Variants in OLFML2A observed in about 807,000 individuals in gnomAD.
OLFML2A encodes olfactomedin like 2A.
OLFML2A carries 47 observed loss-of-function variants against 60.9 expected under a neutral mutation model. The ratio of observed to expected loss-of-function variants is 0.77; its 90% CI spans 0.61 to 0.98. The LOEUF is 0.98. Among genes scored for constraint, OLFML2A ranks in the 50% least tolerant of loss-of-function variants. The pLI is 0.00. For synonymous variants in OLFML2A, 372 were observed against 375.0 expected, an observed-to-expected ratio of 0.99 and a Z score of 0.09; for missense variants, 922 against 879.8, an observed-to-expected ratio of 1.05 and a Z score of -0.61.
At chr9:124,806,988 A>G (rs1430512769) in intron 6 of OLFML2A, among the ~76,000 whole-genome samples, 1 of 151,356 alleles carries the variant, frequency 6.6e-6, no homozygotes, top group Non-Finnish European at 1.5e-5. Context: ...ATGACAGCTC[A>G]CTGCAGCCTC....
chr9:124,799,054 T>C (rs543157721), intron 3 of OLFML2A, among the ~76,000 whole-genome samples: 1 of 152,330 alleles, frequency 6.6e-6, no homozygotes, highest in African/African-American at 2.4e-5. Context: ...TTTAGTACCA[T>C]GCACATGTAT....
Position 124,799,321 on chromosome 9 carries a change from G to A in OLFML2A, c.499G>A (p.Val167Met). 1.9e-6 allele frequency: 3 copies of A among 1,613,240 alleles called. No homozygotes were observed. Among genetic ancestry groups the A allele is most frequent in the Non-Finnish European group, 2.5e-6 (3 of 1,179,484 alleles). The change falls in exon 4 of 8, where the codon GTG becomes ATG. Residue 167 changes from valine (V) to methionine (M), a missense_variant. By Grantham distance (21) the Val-to-Met change is conservative (BLOSUM62 1). Coordinates refer to ENST00000373580, the MANE Select transcript of OLFML2A (RefSeq NM_182487.4). ...CAACCTGAGCCGGGAGAATGAGGTG[G>A]TGAAGGACAGCGTGCGCCACCTCAG... ...KANLSRENEV[V>M]KDSVRHLSEQ...
intron 4 of OLFML2A, chr9:124,800,801 T>C: frequency 7.5e-7 from 1 of 1,326,548 alleles, no homozygotes; most frequent in Non-Finnish European, 9.7e-7. Context: ...GGCCCTGTGT[T>C]CTTGTGCCAA....
chr9:124,794,951 G>T (rs892927206), intron 2 of OLFML2A, 73 bp from the exon 3 acceptor site: 2 of 878,210 alleles, frequency 2.3e-6, no homozygotes, highest in South Asian at 1.5e-5. Flanking sequence ...TTGCAGCAGG[G>T]TTCCTTTTAC....
intron 6 of OLFML2A, among the ~76,000 whole-genome samples, chr9:124,805,070 A>G (rs1841863974): frequency 6.6e-6 from 1 of 152,102 alleles, no homozygotes; most frequent in Non-Finnish European, 1.5e-5. Context: ...TCCAGCAACT[A>G]TTTTTATTTC....
chr9:124,801,095 G>A, intron 4 of OLFML2A: 1 of 1,534,332 alleles, frequency 6.5e-7, no homozygotes, highest in Non-Finnish European at 8.8e-7. Context: ...GGAGGAGGCT[G>A]CCTCCCAGGG....
rs1841987692 is a variant in OLFML2A, at chr9:124,810,381, A to G, written c.1928A>G (p.Gln643Arg). The G allele has an allele frequency of 1.2e-6, 2 of 1,600,530 alleles. No homozygotes were observed. Among genetic ancestry groups the G allele is most frequent in the Non-Finnish European group, 1.7e-6 (2 of 1,179,532 alleles). ...RVLYAWDNGH[Q>R]LTYTLHFVV ...CTGTACGCCTGGGACAATGGCCACC[A>G]GCTCACCTACACCCTCCACTTCGTG... Residue 643 changes from glutamine (Q) to arginine (R), a missense_variant, in exon 8 of 8, where the codon CAG (glutamine) becomes CGG (arginine). Gln to Arg is a conservative substitution (Grantham distance 43). Transcript: ENST00000373580.
rs765712644 is a variant in OLFML2A at position 124,809,830 on chromosome 9, G to A, written c.1377G>A (p.Lys459=). The A allele has an allele frequency of 2.2e-5, 36 of 1,610,988 alleles. No individual in the cohort carries two copies. Among genetic ancestry groups the A allele is most frequent in the Non-Finnish European group, 3.0e-5 (35 of 1,178,060 alleles). ...CAGGCCGCTGGAGTAACATGTACAA[G>A]CTACCCTACAACTGGATCGGCACAG... is the stretch of plus-strand genomic sequence containing the variant. The part of the protein sequence containing the change: ...FKQGRWSNMY[K]LPYNWIGTGH... The change falls in exon 8 of 8, where the codon AAG becomes AAA. Residue 459 remains lysine (K), a synonymous_variant. Transcript: ENST00000373580.
intron 1 of OLFML2A, among the ~76,000 whole-genome samples, chr9:124,783,299 C>T (rs1470287120): frequency 1.3e-5 from 2 of 152,040 alleles, no homozygotes; most frequent in African/African-American, 4.8e-5. Flanking sequence ...TGGTGAAACC[C>T]CATCTCTACA....
chr9:124,786,863 ACT>A, intron 1 of OLFML2A, 110 bp from the exon 2 acceptor site: 3 of 1,064,930 alleles, frequency 2.8e-6, no homozygotes, highest in Admixed American at 2.1e-5. Context: ...CCTGCCAAAC[ACT>A]CTCATCCCAA....
In OLFML2A at chr9:124,811,195, C is replaced by T. The variant is rs1842014494; in HGVS notation, c.*783C>T. The T allele has an allele frequency of 6.5e-6, 1 of 152,698 alleles. No individual in the cohort carries two copies. Among genetic ancestry groups the T allele is most frequent in the South Asian group, 2.1e-4 (1 of 4,836 alleles). 9.5% of individuals were successfully genotyped at this position (152,698 alleles called of 1,614,324 possible). Reference sequence around the variant, plus strand: ...TTCTCTTATTCTTCATCAGTGCCGTCATTTGTTTCTGCAGCAGCAGCTGAG... The same window carrying T: ...TTCTCTTATTCTTCATCAGTGCCGTTATTTGTTTCTGCAGCAGCAGCTGAG... On this transcript the variant is annotated 3_prime_UTR_variant, in exon 8 of 8. Transcript: ENST00000373580.
chr9:124,778,827 C>T lies in OLFML2A; in HGVS notation c.90+1467C>T, dbSNP rs187872905. 1.4e-3 allele frequency: 309 copies of T among 228,746 alleles called. 1 individual carries two copies. The East Asian group carries it at 0.02, about 15-fold the overall frequency. The allele number at this position is 228,746 out of a possible 1,614,324, so 14.2% of individuals were successfully genotyped here. A position where few individuals can be genotyped will look rare whatever the true frequency, so the allele number is the denominator to read the frequency against. On this transcript the variant is annotated intron_variant, in intron 1 of 7. Coordinates refer to ENST00000373580, the MANE Select transcript of OLFML2A (RefSeq NM_182487.4). Reference sequence around the variant, plus strand: ...AAAACAAAACAAACAAAAAAAAAAACGGACAGACCTTGGGGAGAGTGAGGA... The same window carrying T: ...AAAACAAAACAAACAAAAAAAAAAATGGACAGACCTTGGGGAGAGTGAGGA...
At position 124,792,206 on chromosome 9, in the gene OLFML2A, G is replaced by A. The variant is rs142499084; in HGVS notation, c.355-2818G>A. On this transcript the variant is annotated intron_variant, in intron 2 of 7. Transcript: ENST00000373580. The stretch of plus-strand genomic sequence containing the variant: ...GTGCCCCTGATTCTGGCACCTATGT[G>A]TCACTGCCTCTGTCCCCTGATCTAG... Among the ~76,000 whole-genome samples, 696 of 152,236 alleles carry A rather than the reference G, an allele frequency of 4.6e-3. 5 individuals carry two copies. Among genetic ancestry groups the A allele is most frequent in the African/African-American group, 0.016 (649 of 41,528 alleles).
At chr9:124,795,802 C>T (rs1841658057) in intron 3 of OLFML2A, among the ~76,000 whole-genome samples, 1 of 152,168 alleles carries the variant, frequency 6.6e-6, no homozygotes, top group South Asian at 2.1e-4. Flanking sequence ...AGTGCCCCCC[C>T]TGGGTTGGTA....
intron 7 of OLFML2A, among the ~76,000 whole-genome samples, chr9:124,809,157 A>G (rs763750347): frequency 1.3e-5 from 2 of 151,516 alleles, no homozygotes; most frequent in Non-Finnish European, 2.9e-5. Flanking sequence ...ACAGAGAGAG[A>G]CTCTATCTCG....
In OLFML2A at chr9:124,799,292, A is replaced by T; in HGVS notation, c.470A>T (p.Lys157Met). 1.2e-6 allele frequency: 2 copies of T among 1,610,352 alleles called. No homozygotes were observed. The highest frequency in any genetic ancestry group is 1.7e-6 in the Non-Finnish European group (2 of 1,177,124). ...SQMNTLEESI[K>M]ANLSRENEVV... Reference sequence around the variant, plus strand: ...ATCCTGCCCCCTCCGCAGAGCATCAAGGCCAACCTGAGCCGGGAGAATGAG... The same window carrying T: ...ATCCTGCCCCCTCCGCAGAGCATCATGGCCAACCTGAGCCGGGAGAATGAG... Residue 157 changes from lysine to methionine, a missense_variant, in exon 4 of 8, where the codon AAG becomes ATG. Transcript: ENST00000373580.
chr9:124,777,517 G>C lies in OLFML2A; in HGVS notation c.90+157G>C. Among the ~76,000 whole-genome samples, 1 of 152,180 alleles carries C rather than the reference G, an allele frequency of 6.6e-6. No individual in the cohort carries two copies. Among genetic ancestry groups the C allele is most frequent in the Admixed American group, 6.5e-5 (1 of 15,278 alleles). ...GACTTCTCAGCACTGAAGCCGCAGGGGCAGGGGCCCCGAGAGAGGGGCGCG... is the reference window on the plus strand; with the variant it reads ...GACTTCTCAGCACTGAAGCCGCAGGCGCAGGGGCCCCGAGAGAGGGGCGCG... On this transcript the variant is annotated intron_variant, in intron 1 of 7. Transcript: ENST00000373580. This position sits in a 1 kb window ranked among gnomAD's most constrained non-coding sequence, Gnocchi z 6.2.
Position 124,804,327 on chromosome 9 carries a change from G to C in OLFML2A, c.1153G>C (p.Glu385Gln), listed in dbSNP as rs750476592. The change falls in exon 6 of 8, where the codon GAA becomes CAA. Residue 385 changes from glutamate to glutamine, a missense_variant. Transcript: ENST00000373580. The stretch of plus-strand genomic sequence containing the variant: ...GCCCACCGAGCCACCTTCAGGTCCA[G>C]AAGTCTCCAGCCAAGGTGAGTGAGC... ...LLPTEPPSGP[E>Q]VSSQGREASC... is the part of the protein sequence containing the mutation. The C allele has an allele frequency of 1.4e-6, 2 of 1,465,424 alleles. No homozygotes were observed. Among genetic ancestry groups the C allele is most frequent in the South Asian group, 2.4e-5 (2 of 82,108 alleles). 90.8% of individuals were successfully genotyped at this position (1,465,424 alleles called of 1,614,324 possible).
At chr9:124,797,678 G>C (rs968840744) in intron 3 of OLFML2A, among the ~76,000 whole-genome samples, 1 of 152,210 alleles carries the variant, frequency 6.6e-6, no homozygotes, top group Non-Finnish European at 1.5e-5. Flanking sequence ...TAGCTGAAAA[G>C]TATACTCAGA....
Sources: allele counts gnomAD v4.1 joint callset (sites outside exome capture counted in the v4.1 genomes callset), GRCh38; gene constraint gnomAD v4.1.1; non-coding constraint Gnocchi (gnomAD v3.1); transcripts MANE v1.5; gene names NCBI Gene and HGNC (gene_info 2026-07-23, HGNC 2026-07-21).